ZNF385B: variants seen among roughly 807,000 people sequenced by gnomAD.
The protein encoded by ZNF385B is zinc finger protein 533.
ZNF385B carries 23 observed loss-of-function variants against 39.2 expected under a neutral mutation model. That is an observed-to-expected ratio of 0.59 (90% CI 0.42 to 0.83). The LOEUF is 0.83. ZNF385B is among the 40% of genes least tolerant of loss of function. The pLI, the probability that ZNF385B is intolerant of heterozygous loss-of-function variation, is 0.00. For synonymous variants in ZNF385B, 205 were observed against 222.6 expected (o/e 0.92, Z 0.70); for missense variants, 552 against 598.9 (o/e 0.92, Z 0.82).
intron 3 of ZNF385B, among the ~76,000 whole-genome samples, chr2:179,683,584 T>A (rs1023981292): frequency 6.6e-6 from 1 of 151,698 alleles, no homozygotes; most frequent in African/African-American, 2.4e-5. Context: ...CAAGTGATTC[T>A]CCTGCCTCAG....
chr2:179,732,109 T>A (rs952689207), intron 3 of ZNF385B, among the ~76,000 whole-genome samples: 1 of 152,196 alleles, frequency 6.6e-6, no homozygotes, highest in Non-Finnish European at 1.5e-5. Context: ...ATTAAAACTG[T>A]CTCACAGCAG....
chr2:179,615,198 G>A (rs1402134442), intron 3 of ZNF385B, among the ~76,000 whole-genome samples: 1 of 152,200 alleles, frequency 6.6e-6, no homozygotes, highest in Non-Finnish European at 1.5e-5. Context: ...AATCATGCTA[G>A]TATATGTCAC....
rs567033327 is a variant in ZNF385B at position 179,593,964 on chromosome 2, C to T, written c.299-48995G>A. ...TTCTCCCAATTACAATTTTCATTTC[C>T]AGGGCATATAAGTCAAGATGAGAAA... is the stretch of plus-strand genomic sequence containing the variant. On this transcript the variant is annotated intron_variant, in intron 3 of 9. Coordinates refer to ENST00000410066, the MANE Select transcript of ZNF385B (RefSeq NM_152520.6). 4.6e-5 allele frequency among the ~76,000 whole-genome samples: 7 copies of T among 152,180 alleles called. No individual in the cohort carries two copies. In the East Asian group the frequency reaches 1.4e-3, roughly 29 times the overall value.
intron 1 of ZNF385B, among the ~76,000 whole-genome samples, chr2:179,813,332 C>G (rs1706851761): frequency 1.3e-5 from 2 of 152,062 alleles, no homozygotes; most frequent in African/African-American, 2.4e-5. Flanking sequence ...TTACTTGGGT[C>G]TATTTTGGGG....
chr2:179,653,091 A>G (rs1349721396), intron 3 of ZNF385B, among the ~76,000 whole-genome samples: 1 of 152,206 alleles, frequency 6.6e-6, no homozygotes, highest in Non-Finnish European at 1.5e-5. Flanking sequence ...TTCTAAATGC[A>G]TAGAAGAACG....
intron 3 of ZNF385B, among the ~76,000 whole-genome samples, chr2:179,683,928 T>G (rs1430012318): frequency 6.6e-6 from 1 of 152,228 alleles, no homozygotes; most frequent in East Asian, 1.9e-4. Context: ...TTTTCTGTTT[T>G]CAATTTTCCC....
chr2:179,574,434 C>A (rs1247784696), intron 3 of ZNF385B, among the ~76,000 whole-genome samples: 2 of 152,186 alleles, frequency 1.3e-5, no homozygotes, highest in African/African-American at 4.8e-5. Flanking sequence ...TAAAGTATCC[C>A]TGTTTGGCTC....
At chr2:179,482,285 A>C (rs1487311908) in intron 6 of ZNF385B, among the ~76,000 whole-genome samples, 4 of 152,216 alleles carry the variant, frequency 2.6e-5, no homozygotes, top group Non-Finnish European at 5.9e-5. Context: ...ATGATTTGAG[A>C]AGTAGAAAAG....
At chr2:179,782,721 C>T (rs1362868956) in intron 1 of ZNF385B, among the ~76,000 whole-genome samples, 1 of 152,116 alleles carries the variant, frequency 6.6e-6, no homozygotes, top group African/African-American at 2.4e-5. Context: ...GAAAGGCAGT[C>T]CCATTTACAA....
At position 179,443,441 on chromosome 2, in the gene ZNF385B, T is replaced by G. The variant is rs145072775; in HGVS notation, c.1270A>C (p.Met424Leu). ...AAKLAFQKDM[M>L]KPLAPAFLSS... is the part of the protein sequence containing the mutation. ...AGGAAGGCTGGGGCCAAAGGCTTCA[T>G]CATATCTTTCTGGAATGCAAGTTTT... is the stretch of plus-strand genomic sequence containing the variant. Residue 424 changes from methionine (M) to leucine (L), a missense_variant, in exon 10 of 10, where the codon ATG (methionine) becomes CTG (leucine). Transcript: ENST00000410066. 1.4e-4 allele frequency: 229 copies of G among 1,606,112 alleles called. No individual in the cohort carries two copies. The African/African-American group carries it at 2.8e-3, about 19-fold the overall frequency.
intron 3 of ZNF385B, among the ~76,000 whole-genome samples, chr2:179,599,879 G>T (rs1688278935): frequency 6.6e-6 from 1 of 152,190 alleles, no homozygotes; most frequent in African/African-American, 2.4e-5. Context: ...TTCTTCTATG[G>T]TGAGGCGTAA....
chr2:179,628,321 T>G (rs1690862086), intron 3 of ZNF385B, among the ~76,000 whole-genome samples: 1 of 152,224 alleles, frequency 6.6e-6, no homozygotes, highest in Non-Finnish European at 1.5e-5. Context: ...TAATTTATTT[T>G]AATCTGTTAA....
At chr2:179,603,852 C>G (rs186278578) in intron 3 of ZNF385B, among the ~76,000 whole-genome samples, 4 of 152,078 alleles carry the variant, frequency 2.6e-5, no homozygotes, top group Admixed American at 2.6e-4. Context: ...GGAGAGTAAA[C>G]AGGAATGCAT....
intron 6 of ZNF385B, among the ~76,000 whole-genome samples, chr2:179,478,292 G>A (rs926398408): frequency 6.6e-6 from 1 of 152,118 alleles, no homozygotes; most frequent in Non-Finnish European, 1.5e-5. Context: ...TTTTGAGGGC[G>A]ACAAATGTCC....
rs189004416 is a variant in ZNF385B, at chr2:179,701,213, C to T, written c.298+68290G>A. Among the ~76,000 whole-genome samples the T allele has an allele frequency of 2.0e-5, 3 of 152,298 alleles. No homozygotes were observed. In the East Asian group the frequency reaches 5.8e-4, roughly 29 times the overall value. On this transcript the variant is annotated intron_variant, in intron 3 of 9. Transcript: ENST00000410066. ...AAGGTTAGACATCCTCCCCACCTGG[C>T]TTCTGGCAAGAATATCACCCAGTGA...
At chr2:179,503,245 A>C (rs774056601) in intron 5 of ZNF385B, among the ~76,000 whole-genome samples, 2 of 152,152 alleles carry the variant, frequency 1.3e-5, no homozygotes, top group South Asian at 2.1e-4. Flanking sequence ...ATGATTGAAA[A>C]AGTGGTTCTG....
chr2:179,757,601 G>C (rs559265045), intron 3 of ZNF385B, among the ~76,000 whole-genome samples: 3 of 152,286 alleles, frequency 2.0e-5, no homozygotes, highest in African/African-American at 7.2e-5. Context: ...GAACTGCAGC[G>C]GGCTCCACCC....
At chr2:179,513,551 T>C (rs994872025) in intron 5 of ZNF385B, among the ~76,000 whole-genome samples, 1 of 152,208 alleles carries the variant, frequency 6.6e-6, no homozygotes, top group Non-Finnish European at 1.5e-5. Flanking sequence ...GGAGTAATTG[T>C]GGGGCTCGAA....
At chr2:179,823,563 T>A (rs754477684) in intron 1 of ZNF385B, among the ~76,000 whole-genome samples, 4 of 152,292 alleles carry the variant, frequency 2.6e-5, no homozygotes, top group South Asian at 4.1e-4. Context: ...GTTTCAGGAT[T>A]TTTTTTCCTC....
Sources: allele counts gnomAD v4.1 joint callset (sites outside exome capture counted in the v4.1 genomes callset), GRCh38; gene constraint gnomAD v4.1.1; transcripts MANE v1.5; gene names NCBI Gene and HGNC (gene_info 2026-07-23, HGNC 2026-07-21).